The following SLC9A1 variants were observed in gnomAD, a reference collection of about 807,000 sequenced individuals.
SLC9A1 encodes solute carrier family 9 member A1, also known as sodium/hydrogen exchanger 1.
SLC9A1 carries 22 observed loss-of-function variants against 67.9 expected under a neutral mutation model. The observed-to-expected ratio is 0.32, with a 90% confidence interval of 0.23 to 0.46. The LOEUF (loss-of-function observed/expected upper bound fraction) is 0.46. SLC9A1 is among the 20% of genes least tolerant of loss of function. SLC9A1 has a pLI of 1.00. For synonymous variants in SLC9A1, 421 were observed against 471.8 expected, an observed-to-expected ratio of 0.89 and a Z score of 1.40; for missense variants, 686 against 1,094.8, an observed-to-expected ratio of 0.63 and a Z score of 5.27.
At chr1:27,128,544 T>A (rs2083361292) in intron 1 of SLC9A1, among the ~76,000 whole-genome samples, 1 of 151,456 alleles carries the variant, frequency 6.6e-6, no homozygotes, top group Non-Finnish European at 1.5e-5. Flanking sequence ...TAGTCCCAGC[T>A]ACTAGGGAGG....
Position 27,114,001 on chromosome 1 carries a change from A to T in SLC9A1, c.638T>A (p.Leu213Gln). 6.2e-7 allele frequency: 1 copy of T among 1,614,194 alleles called. No individual in the cohort carries two copies. The highest frequency in any genetic ancestry group is 1.3e-5 in the African/African-American group (1 of 75,074). ...GTTGTTGATCTGCTCACCGCCCACC[A>T]GGCACACGGCGTACATGAGGCCGCC... Reference protein sequence around the residue: ...FLGGLMYAVCLVGGEQINNIG... With the variant: ...FLGGLMYAVCQVGGEQINNIG... The change falls in exon 2 of 12, where the codon CTG (leucine) becomes CAG (glutamine). Residue 213 changes from leucine (L) to glutamine (Q), a missense_variant. Coordinates refer to ENST00000263980, the MANE Select transcript of SLC9A1 (RefSeq NM_003047.5). The surrounding 1 kb of genome is among the most constrained non-coding windows in gnomAD (Gnocchi z 5.4).
chr1:27,123,621 C>G (rs2083320217), intron 1 of SLC9A1, among the ~76,000 whole-genome samples: 1 of 151,592 alleles, frequency 6.6e-6, no homozygotes. Flanking sequence ...AGTGATTCTC[C>G]TGCCTCAGCC....
In SLC9A1 at chr1:27,137,126, A is replaced by C. The variant is rs1281689036; in HGVS notation, c.352+16857T>G. Among the ~76,000 whole-genome samples, 1 of 152,272 alleles carries C rather than the reference A, an allele frequency of 6.6e-6. No individual in the cohort carries two copies. The highest frequency in any genetic ancestry group is 2.4e-5 in the African/African-American group (1 of 41,482). ...AGTTGTTTACATGTCTGTCTCCCACACACAAGTGTCAGTGCCAGCGCTTCC... is the reference window on the plus strand; with the variant it reads ...AGTTGTTTACATGTCTGTCTCCCACCCACAAGTGTCAGTGCCAGCGCTTCC... On this transcript the variant is annotated intron_variant, in intron 1 of 11. Coordinates refer to ENST00000263980, the MANE Select transcript of SLC9A1 (RefSeq NM_003047.5). The surrounding 1 kb of genome is among the most constrained non-coding windows in gnomAD (Gnocchi z 4.6).
In SLC9A1 at chr1:27,107,812, T is replaced by C; in HGVS notation, c.1118A>G (p.His373Arg). 1 of 1,609,908 alleles carries C rather than the reference T, an allele frequency of 6.2e-7. No individual in the cohort carries two copies. Residue 373 changes from histidine to arginine, a missense_variant, in exon 4 of 12, where the codon CAC becomes CGC. By Grantham distance (29) the His-to-Arg change is conservative (BLOSUM62 0). Around this residue, in one of 7 missense-constraint regions of SLC9A1, gnomAD observed 168 missense variants for 375.4 expected, o/e 0.45. Coordinates refer to ENST00000263980, the MANE Select transcript of SLC9A1 (RefSeq NM_003047.5). ...GTATTTGATGGTGGTGTGGGACTTG[T>C]GGGAGATGTTGGCCTCCACATAGGG... ...MRPYVEANIS[H>R]KSHTTIKYFL...
intron 1 of SLC9A1, among the ~76,000 whole-genome samples, chr1:27,142,129 C>T (rs2083456574): frequency 6.6e-6 from 1 of 152,124 alleles, no homozygotes; most frequent in Non-Finnish European, 1.5e-5. Context: ...GCTTAAAGGG[C>T]CCACTGGAAG....
intron 5 of SLC9A1, 34 bp from the exon 6 acceptor site, chr1:27,103,346 C>T (rs777158153): frequency 5.3e-6 from 8 of 1,501,118 alleles, no homozygotes; most frequent in Non-Finnish European, 7.4e-6. Flanking sequence ...CACTCCAGTT[C>T]TGCTACCCAG....
chr1:27,152,402 C>T (rs1385861308), intron 1 of SLC9A1, among the ~76,000 whole-genome samples: 3 of 152,172 alleles, frequency 2.0e-5, no homozygotes, highest in African/African-American at 4.8e-5. Context: ...TTATAGATTG[C>T]ACTTGTGAGG....
At chr1:27,142,489 C>G (rs1309092126) in intron 1 of SLC9A1, among the ~76,000 whole-genome samples, 1 of 152,218 alleles carries the variant, frequency 6.6e-6, no homozygotes, top group African/African-American at 2.4e-5. Flanking sequence ...CAGGAAACAG[C>G]AGAGGCCAGT....
At chr1:27,149,263 T>C (rs2083510984) in intron 1 of SLC9A1, among the ~76,000 whole-genome samples, 1 of 152,196 alleles carries the variant, frequency 6.6e-6, no homozygotes, top group Non-Finnish European at 1.5e-5. Context: ...GAGATGCAGC[T>C]GCACCCCTCT....
In SLC9A1 at chr1:27,118,336, TC is replaced by T. The variant is rs1273125415; in HGVS notation, c.353-4051del. 6.6e-6 allele frequency among the ~76,000 whole-genome samples: 1 copy of T among 152,130 alleles called. No homozygotes were observed. Among genetic ancestry groups the T allele is most frequent in the Non-Finnish European group, 1.5e-5 (1 of 68,006 alleles). The stretch of plus-strand genomic sequence containing the variant: ...AGGTGGCACATTATTGGAAAGCACT[TC>T]TAGGGCTGGGGGAGGAAGGGATTCT... On this transcript the variant is annotated intron_variant, in intron 1 of 11. Transcript: ENST00000263980. The surrounding 1 kb of genome is among the most constrained non-coding windows in gnomAD (Gnocchi z 4.3).
rs1263587678 is a variant in SLC9A1, at chr1:27,129,576, G to A, written c.353-15290C>T. 2.6e-5 allele frequency among the ~76,000 whole-genome samples: 4 copies of A among 152,158 alleles called. No homozygotes were observed. In the South Asian group the frequency reaches 8.3e-4, roughly 32 times the overall value. ...AGAAGAGGGGCAGCAAGAAGTCAGA[G>A]ATTAGAAGAGGGAGGGCCCTCTGAG... On this transcript the variant is annotated intron_variant, in intron 1 of 11. Coordinates refer to ENST00000263980, the MANE Select transcript of SLC9A1 (RefSeq NM_003047.5).
intron 1 of SLC9A1, among the ~76,000 whole-genome samples, chr1:27,144,017 T>C (rs192536696): frequency 5.8e-4 from 88 of 152,324 alleles, no homozygotes; most frequent in African/African-American, 1.9e-3. Context: ...TTTATTTTTG[T>C]TGTTTTGTTT....
At chr1:27,119,422 C>G (rs1481003903) in intron 1 of SLC9A1, among the ~76,000 whole-genome samples, 1 of 152,188 alleles carries the variant, frequency 6.6e-6, no homozygotes, top group African/African-American at 2.4e-5. Context: ...CTGAGGACTG[C>G]TCTGGGGCTG....
intron 1 of SLC9A1, among the ~76,000 whole-genome samples, chr1:27,135,381 A>G (rs1369627097): frequency 6.6e-6 from 1 of 152,138 alleles, no homozygotes; most frequent in Non-Finnish European, 1.5e-5. Flanking sequence ...AGTGGTTCAC[A>G]CCACTGTAGA....
intron 1 of SLC9A1, among the ~76,000 whole-genome samples, chr1:27,119,681 G>A (rs2083293072): frequency 1.3e-5 from 2 of 152,206 alleles, no homozygotes; most frequent in Non-Finnish European, 2.9e-5. Flanking sequence ...CAAAGGTTAA[G>A]CAACTTGATC....
At chr1:27,111,701 T>C (rs1189486913) in intron 2 of SLC9A1, among the ~76,000 whole-genome samples, 1 of 152,104 alleles carries the variant, frequency 6.6e-6, no homozygotes, top group Non-Finnish European at 1.5e-5. Context: ...TCCCAGCTAC[T>C]TGGGAGGCTA....
chr1:27,153,667 T>C (rs2083545794), intron 1 of SLC9A1, among the ~76,000 whole-genome samples: 1 of 152,188 alleles, frequency 6.6e-6, no homozygotes, highest in Non-Finnish European at 1.5e-5. Flanking sequence ...CTGGCTCCCC[T>C]GGGGGTCTGG....
Position 27,118,708 on chromosome 1 carries a change from C to A in SLC9A1, c.353-4422G>T, listed in dbSNP as rs543030637. Among the ~76,000 whole-genome samples, 1 of 152,216 alleles carries A rather than the reference C, an allele frequency of 6.6e-6. No individual in the cohort carries two copies. Among genetic ancestry groups the A allele is most frequent in the Admixed American group, 6.5e-5 (1 of 15,278 alleles). On this transcript the variant is annotated intron_variant, in intron 1 of 11. Transcript: ENST00000263980. This position sits in a 1 kb window ranked among gnomAD's most constrained non-coding sequence, Gnocchi z 4.3. ...TGGGAAGAGGCAGTTAGAGTAAGAA[C>A]CAGAGTCGTAAGAGCTGGAATGGAT... is the stretch of plus-strand genomic sequence containing the variant.
Position 27,114,003 on chromosome 1 carries a change from G to A in SLC9A1, c.636C>T (p.Cys212=). The A allele has an allele frequency of 6.2e-7, 1 of 1,614,168 alleles. No homozygotes were observed. The highest frequency in any genetic ancestry group is 8.5e-7 in the Non-Finnish European group (1 of 1,180,048). Reference sequence around the variant, plus strand: ...TGTTGATCTGCTCACCGCCCACCAGGCACACGGCGTACATGAGGCCGCCCA... The same window carrying A: ...TGTTGATCTGCTCACCGCCCACCAGACACACGGCGTACATGAGGCCGCCCA... ...FFLGGLMYAV[C]LVGGEQINNI... is the part of the protein sequence containing the mutation. The change falls in exon 2 of 12, where the codon TGC becomes TGT. Residue 212 remains cysteine, a synonymous_variant. Transcript: ENST00000263980. This position sits in a 1 kb window ranked among gnomAD's most constrained non-coding sequence, Gnocchi z 5.4.
Sources: gnomAD v4.1 joint callset for allele counts (sites outside exome capture counted in the v4.1 genomes callset) on GRCh38, gnomAD v4.1.1 for gene constraint, gnomAD v4.1.1 regional missense constraint, Gnocchi (gnomAD v3.1) non-coding constraint, MANE v1.5 for transcripts, NCBI Gene and HGNC (gene_info 2026-07-23, HGNC 2026-07-21) for gene names.